Variants in DENND1B observed in about 807,000 individuals in gnomAD.
DENND1B encodes the protein DENN domain-containing protein 1B.
Under a neutral mutation model 90.1 loss-of-function variants are expected in DENND1B, and 59 were observed. That is an observed-to-expected ratio of 0.65 (90% CI 0.53 to 0.81). DENND1B has a LOEUF of 0.81. Among genes scored for constraint, DENND1B ranks in the 40% least tolerant of loss-of-function variants. DENND1B has a pLI of 0.00. For synonymous variants in DENND1B, 337 were observed against 324.6 expected (o/e 1.04, Z -0.41); for missense variants, 862 against 912.6 (o/e 0.94, Z 0.71).
chr1:197,555,776 C>G (rs1464362796), intron 15 of DENND1B, among the ~76,000 whole-genome samples: 1 of 151,998 alleles, frequency 6.6e-6, no homozygotes, highest in Non-Finnish European at 1.5e-5. Context: ...TTAGTTCAGG[C>G]CCTGTGAAAA....
intron 2 of DENND1B, among the ~76,000 whole-genome samples, chr1:197,748,236 G>C (rs1652966833): frequency 9.6e-6 from 1 of 104,246 alleles, no homozygotes. Flanking sequence ...AAAATTATCA[G>C]ACATGCAAGG....
chr1:197,518,207 A>C (rs572945772), intron 20 of DENND1B, among the ~76,000 whole-genome samples: 1 of 151,910 alleles, frequency 6.6e-6, no homozygotes, highest in African/African-American at 2.4e-5. Flanking sequence ...GGAATTATGA[A>C]TGCTGTCTAG....
At chr1:197,756,487 A>T (rs924991520) in intron 2 of DENND1B, among the ~76,000 whole-genome samples, 7 of 149,804 alleles carry the variant, frequency 4.7e-5, no homozygotes, top group African/African-American at 1.7e-4. Context: ...AGGCAGAAGA[A>T]TCTTTTTGAA....
intron 3 of DENND1B, among the ~76,000 whole-genome samples, chr1:197,702,303 A>G (rs1277404596): frequency 6.6e-6 from 1 of 152,312 alleles, no homozygotes; most frequent in Admixed American, 6.5e-5. Flanking sequence ...GTCTTCTCTG[A>G]TTTAATAATG....
chr1:197,655,669 C>A (rs1460044864), intron 6 of DENND1B, among the ~76,000 whole-genome samples: 2 of 151,990 alleles, frequency 1.3e-5, no homozygotes, highest in Admixed American at 6.6e-5. Context: ...GTAGCTGGGA[C>A]TACAGGCGCC....
In DENND1B at chr1:197,508,000, T is replaced by C. The variant is rs1269795085; in HGVS notation, c.*2460A>G. The stretch of plus-strand genomic sequence containing the variant: ...TCACTTTTAAATACCTTGAGACAAT[T>C]ATTTATGAGTGGCTAAATATCCTCA... On this transcript the variant is annotated 3_prime_UTR_variant, in exon 23 of 23. Transcript: ENST00000620048. The C allele has an allele frequency of 6.6e-6, 1 of 151,606 alleles. No homozygotes were observed. Among genetic ancestry groups the C allele is most frequent in the Admixed American group, 6.6e-5 (1 of 15,162 alleles). 9.4% of individuals were successfully genotyped at this position (151,606 alleles called of 1,614,324 possible).
intron 3 of DENND1B, among the ~76,000 whole-genome samples, chr1:197,696,960 C>G (rs1012270815): frequency 1.2e-4 from 18 of 149,500 alleles, no homozygotes; most frequent in African/African-American, 3.7e-4. Flanking sequence ...GAAGTACAGA[C>G]AGGTTGCCTT....
At chr1:197,603,907 A>C (rs544928376) in intron 13 of DENND1B, among the ~76,000 whole-genome samples, 1 of 151,348 alleles carries the variant, frequency 6.6e-6, no homozygotes, top group Non-Finnish European at 1.5e-5. Flanking sequence ...TTCAAATGTT[A>C]TATTTAATTC....
chr1:197,642,598 T>A, intron 10 of DENND1B, 113 bp downstream of exon 10: 1 of 640,560 alleles, frequency 1.6e-6, no homozygotes, highest in South Asian at 2.5e-5. Flanking sequence ...CAAAAACGTA[T>A]GTAGATATTG....
At chr1:197,590,560 G>T (rs1248118542) in intron 14 of DENND1B, among the ~76,000 whole-genome samples, 3 of 152,076 alleles carry the variant, frequency 2.0e-5, no homozygotes, top group Non-Finnish European at 2.9e-5. Flanking sequence ...TGCCAATCAT[G>T]CCAAGGTAAC....
intron 2 of DENND1B, among the ~76,000 whole-genome samples, chr1:197,732,930 C>T (rs1473538369): frequency 1.3e-5 from 2 of 152,090 alleles, no homozygotes; most frequent in Non-Finnish European, 2.9e-5. Context: ...GCCCACCAGA[C>T]CTATGTATCA....
intron 2 of DENND1B, among the ~76,000 whole-genome samples, chr1:197,760,098 C>T (rs1226098134): frequency 6.6e-6 from 1 of 151,974 alleles, no homozygotes; most frequent in Non-Finnish European, 1.5e-5. Flanking sequence ...AAGTGTAAGC[C>T]ATCTTAAAAT....
intron 5 of DENND1B, 72 bp downstream of exon 5, chr1:197,671,965 C>T: frequency 7.2e-7 from 1 of 1,396,596 alleles, no homozygotes; most frequent in South Asian, 1.7e-5. Flanking sequence ...TTCTTCATCC[C>T]AAGCATAACA....
intron 3 of DENND1B, among the ~76,000 whole-genome samples, chr1:197,685,285 C>A (rs1220403065): frequency 1.3e-5 from 2 of 152,058 alleles, no homozygotes; most frequent in African/African-American, 4.8e-5. Context: ...TCATCTTAAG[C>A]TCAGGATTGG....
At chr1:197,583,078 G>T in intron 15 of DENND1B, 74 bp downstream of exon 15, 1 of 1,390,386 alleles carries the variant, frequency 7.2e-7, no homozygotes, top group Non-Finnish European at 1.0e-6. Context: ...TTTGTACATA[G>T]TTTTATAGTA....
intron 2 of DENND1B, among the ~76,000 whole-genome samples, chr1:197,755,657 C>T (rs888821989): frequency 1.3e-5 from 2 of 152,040 alleles, no homozygotes; most frequent in African/African-American, 2.4e-5. Flanking sequence ...AACACATACC[C>T]GAGACTGGGC....
intron 3 of DENND1B, among the ~76,000 whole-genome samples, chr1:197,676,864 T>A (rs750373447): frequency 3.9e-5 from 6 of 152,134 alleles, no homozygotes; most frequent in Non-Finnish European, 7.4e-5. Flanking sequence ...AGCATTACAA[T>A]GAAATTGATC....
At chr1:197,627,088 C>A (rs1678822000) in intron 10 of DENND1B, among the ~76,000 whole-genome samples, 1 of 152,170 alleles carries the variant, frequency 6.6e-6, no homozygotes, top group Non-Finnish European at 1.5e-5. Context: ...CAGCCGAATT[C>A]TACCAGAGGT....
At chr1:197,596,246 G>A (rs1469427283) in intron 13 of DENND1B, among the ~76,000 whole-genome samples, 2 of 151,796 alleles carry the variant, frequency 1.3e-5, no homozygotes, top group African/African-American at 4.8e-5. Flanking sequence ...TTTAGAAAAT[G>A]CATATTATTT....
Sources: gnomAD v4.1 joint callset for allele counts (sites outside exome capture counted in the v4.1 genomes callset) on GRCh38, gnomAD v4.1.1 for gene constraint, MANE v1.5 for transcripts, NCBI Gene and HGNC (gene_info 2026-07-23, HGNC 2026-07-21) for gene names.